Variants in PSMC1 observed in about 807,000 individuals in gnomAD.
PSMC1 encodes the protein 26S proteasome regulatory subunit 4.
Under a neutral mutation model 49.8 loss-of-function variants are expected in PSMC1, and 5 were observed. The observed-to-expected ratio is 0.10, with a 90% CI of 0.05 to 0.21. PSMC1 has a LOEUF of 0.21. PSMC1 is among the 10% of genes least tolerant of loss of function. The probability of loss-of-function intolerance (pLI) is 1.00; values close to 1 mark genes in which losing one functional copy is unlikely to be tolerated. For synonymous variants in PSMC1, 155 were observed against 192.1 expected, an observed-to-expected ratio of 0.81 and a Z score of 1.60; for missense variants, 181 against 535.7, an observed-to-expected ratio of 0.34 and a Z score of 6.54.
intron 7 of PSMC1, among the ~76,000 whole-genome samples, chr14:90,266,865 A>C (rs1181264549): frequency 6.6e-6 from 1 of 152,164 alleles, no homozygotes; most frequent in Admixed American, 6.5e-5. Flanking sequence ...GCCTGTCTAA[A>C]AGCAACATCA....
chr14:90,263,947 T>C (rs549936086), intron 5 of PSMC1, 94 bp from the exon 6 acceptor site: 5 of 1,583,666 alleles, frequency 3.2e-6, no homozygotes, highest in Non-Finnish European at 3.4e-6. Context: ...AAAGCACTCC[T>C]CAGGCAGAAG....
chr14:90,269,625 T>C (rs936767862), intron 9 of PSMC1, 77 bp downstream of exon 9: 3 of 1,489,796 alleles, frequency 2.0e-6, no homozygotes, highest in African/African-American at 1.4e-5. Context: ...GGGAGGCCTA[T>C]AAAATGATAC....
chr14:90,266,972 G>A (rs1001294872), intron 7 of PSMC1, among the ~76,000 whole-genome samples: 5 of 151,938 alleles, frequency 3.3e-5, no homozygotes, highest in African/African-American at 7.3e-5. Flanking sequence ...CACTCCTCCC[G>A]TGCTGGCCCG....
chr14:90,258,579 C>A (rs4904659), intron 1 of PSMC1, among the ~76,000 whole-genome samples: 35,735 of 152,118 alleles, frequency 0.23, 5,395 homozygotes, highest in Non-Finnish European at 0.33. Context: ...TTCTTAACAC[C>A]TTAAGGTGAT....
rs537519487 is a variant in PSMC1, at chr14:90,259,268, G to C, written c.57+55G>C. On this transcript the variant is annotated intron_variant, in intron 2 of 10. Coordinates refer to ENST00000261303, the MANE Select transcript of PSMC1 (RefSeq NM_002802.3). ...GAGCAAATTGTGGAAAATGTCATGG[G>C]TCTCGGCTGAGAAGTTCTGTGGGGA... is the stretch of plus-strand genomic sequence containing the variant. The C allele has an allele frequency of 1.4e-4, 217 of 1,555,200 alleles. 1 individual carries two copies. In the South Asian group the frequency reaches 2.2e-3, roughly 16 times the overall value.
intron 6 of PSMC1, 38 bp from the exon 7 acceptor site, chr14:90,265,032 A>G (rs375233240): frequency 1.7e-5 from 24 of 1,451,550 alleles, no homozygotes; most frequent in African/African-American, 2.8e-5. Context: ...TATGCTAATA[A>G]TTTCAGTAAA....
In PSMC1 at chr14:90,274,336, C is replaced by CCGTGTGGGG. The variant is rs1891744711; in HGVS notation, c.*1929_*1930insCGTGTGGGG. The CCGTGTGGGG allele has an allele frequency of 6.4e-6, 1 of 155,726 alleles. No individual in the cohort carries two copies. Among genetic ancestry groups the CCGTGTGGGG allele is most frequent in the African/African-American group, 2.4e-5 (1 of 41,416 alleles). 9.6% of individuals were successfully genotyped at this position (155,726 alleles called of 1,614,324 possible). On this transcript the variant is annotated 3_prime_UTR_variant, in exon 11 of 11. Coordinates refer to ENST00000261303, the MANE Select transcript of PSMC1 (RefSeq NM_002802.3). ...GAGCCCAAGTGGGTGAGGAAGGCAT[C>CCGTGTGGGG]TGCAGGGACGGGGTGGTGGCAGGGG... is the stretch of plus-strand genomic sequence containing the variant.
At chr14:90,263,916 G>A (rs2139645837) in intron 5 of PSMC1, 69 bp downstream of exon 5, 6 of 1,598,016 alleles carry the variant, frequency 3.8e-6, no homozygotes, top group African/African-American at 2.7e-5. Flanking sequence ...TCATCTTCCT[G>A]TCCCGTGGAA....
At chr14:90,265,189 T>C (rs1373708280) in intron 7 of PSMC1, 23 bp downstream of exon 7, 4 of 1,528,972 alleles carry the variant, frequency 2.6e-6, no homozygotes, top group South Asian at 1.1e-5. Context: ...TTTGACACTT[T>C]CCAGGCACCC....
chr14:90,259,994 C>T (rs1206190033), intron 2 of PSMC1, 121 bp from the exon 3 acceptor site: 2 of 566,702 alleles, frequency 3.5e-6, no homozygotes, highest in East Asian at 6.2e-5. Flanking sequence ...TTTTTAATAA[C>T]ATCCTAAAAG....
At chr14:90,264,203 G>A (rs895021338) in intron 6 of PSMC1, 34 bp downstream of exon 6, 1 of 1,608,926 alleles carries the variant, frequency 6.2e-7, no homozygotes, top group Non-Finnish European at 8.5e-7. Context: ...CTGGGTTTCA[G>A]TTTTGGTTTC....
intron 10 of PSMC1, chr14:90,271,731 C>CT (rs1343068123): frequency 6.6e-6 from 1 of 152,210 alleles, no homozygotes; most frequent in African/African-American, 2.4e-5. Flanking sequence ...ACCCACAGCC[C>CT]TGACCCTTGG....
intron 3 of PSMC1, among the ~76,000 whole-genome samples, chr14:90,262,270 A>G (rs1006532579): frequency 2.6e-5 from 4 of 152,014 alleles, no homozygotes; most frequent in Non-Finnish European, 5.9e-5. Context: ...CACGTCATGC[A>G]CATGTACCCT....
intron 1 of PSMC1, 99 bp from the exon 2 acceptor site, chr14:90,259,061 C>T (rs1311792183): frequency 2.8e-6 from 3 of 1,062,918 alleles, no homozygotes; most frequent in Non-Finnish European, 4.0e-6. Context: ...AGAAATGTTA[C>T]TCACAGGACA....
chr14:90,267,638 A>C (rs1891552136), intron 7 of PSMC1: 1 of 152,422 alleles, frequency 6.6e-6, no homozygotes. Context: ...CTGAGCTGGC[A>C]GCAAGCCCAC....
Position 90,256,592 on chromosome 14 carries a change from G to A in PSMC1, c.-6G>A, listed in dbSNP as rs1425573333. The A allele has an allele frequency of 6.3e-6, 10 of 1,589,416 alleles. No individual in the cohort carries two copies. The highest frequency in any genetic ancestry group is 6.8e-6 in the Non-Finnish European group (8 of 1,167,912). On this transcript the variant is annotated 5_prime_UTR_variant, in exon 1 of 11. Coordinates refer to ENST00000261303, the MANE Select transcript of PSMC1 (RefSeq NM_002802.3). The stretch of plus-strand genomic sequence containing the variant: ...CGGCAGCGGCAGCTCAAGTGGCCAA[G>A]GCAAGATGGTGAGTGACTAAGGGTT...
rs183671971 is a variant in PSMC1, at chr14:90,269,784, C to T, written c.1033+236C>T. The T allele has an allele frequency of 6.5e-4, 287 of 440,786 alleles. 2 individuals are homozygous for T. Among genetic ancestry groups the T allele is most frequent in the African/African-American group, 4.4e-3 (219 of 49,600 alleles). 27.3% of individuals were successfully genotyped at this position (440,786 alleles called of 1,614,324 possible). A position where few individuals can be genotyped will look rare whatever the true frequency, so the allele number is the denominator to read the frequency against. On this transcript the variant is annotated intron_variant, in intron 9 of 10. Transcript: ENST00000261303. ...ATGTCTTGTCTTTTCTTTTCCATAA[C>T]ATTCCCTTTTTAGCCTCAAGAACTT... is the stretch of plus-strand genomic sequence containing the variant.
intron 10 of PSMC1, chr14:90,271,039 T>A (rs1891648347): frequency 7.6e-6 from 1 of 131,846 alleles, no homozygotes. Context: ...TCTTCTTTTT[T>A]AAAAATTGAA....
chr14:90,271,522 G>A (rs1445048684), intron 10 of PSMC1: 1 of 152,152 alleles, frequency 6.6e-6, no homozygotes, highest in Non-Finnish European at 1.5e-5. Flanking sequence ...TTATTCCATA[G>A]TATAGATACT....
Sources: allele counts gnomAD v4.1 joint callset (sites outside exome capture counted in the v4.1 genomes callset), GRCh38; gene constraint gnomAD v4.1.1; transcripts MANE v1.5; gene names NCBI Gene and HGNC (gene_info 2026-07-23, HGNC 2026-07-21).